RALYL: variants seen among roughly 807,000 people sequenced by gnomAD.
The protein encoded by RALYL is RALY RNA binding protein like, also known as RNA-binding Raly-like protein.
A neutral mutation model predicts 35.1 loss-of-function variants in RALYL; 29 were observed. The observed-to-expected ratio is 0.83, with a 90% CI of 0.61 to 1.13. The LOEUF (loss-of-function observed/expected upper bound fraction) is 1.13, where lower values mean the gene tolerates loss of function less well. Among genes scored for constraint, RALYL ranks in the 50% most tolerant of loss-of-function variants. The probability of loss-of-function intolerance (pLI) is 0.00; values close to 1 mark genes in which losing one functional copy is unlikely to be tolerated. For synonymous variants in RALYL, 120 were observed against 127.6 expected, an observed-to-expected ratio of 0.94 and a Z score of 0.40; for missense variants, 359 against 360.4, an observed-to-expected ratio of 1.00 and a Z score of 0.03.
chr8:84,428,106 T>TCTCACACACACA (rs1182382963), intron 1 of RALYL, among the ~76,000 whole-genome samples: 1 of 127,276 alleles, frequency 7.9e-6, no homozygotes, highest in African/African-American at 3.1e-5. Flanking sequence ...TCTCTCTCTC[T>TCTCACACACACA]CACACACACA....
chr8:84,263,809 C>T (rs938438921), intron 1 of RALYL, among the ~76,000 whole-genome samples: 26 of 152,238 alleles, frequency 1.7e-4, no homozygotes, highest in African/African-American at 6.3e-4. Flanking sequence ...GTTCCTCTCC[C>T]TGTGTCCATG....
At chr8:84,636,578 A>G (rs928634101) in intron 2 of RALYL, among the ~76,000 whole-genome samples, 3 of 151,808 alleles carry the variant, frequency 2.0e-5, no homozygotes, top group Non-Finnish European at 4.4e-5. Context: ...GACAGCCTAT[A>G]ATATACTACC....
intron 2 of RALYL, among the ~76,000 whole-genome samples, chr8:84,622,856 C>G (rs531758546): frequency 1.3e-5 from 2 of 152,140 alleles, no homozygotes; most frequent in South Asian, 4.2e-4. Context: ...GAGTACACAC[C>G]AAGTCGTTGT....
intron 2 of RALYL, among the ~76,000 whole-genome samples, chr8:84,579,099 G>A (rs1810215255): frequency 6.6e-6 from 1 of 152,168 alleles, no homozygotes; most frequent in Non-Finnish European, 1.5e-5. Flanking sequence ...AAGGGTGCCT[G>A]CAGGCCCATG....
At chr8:84,195,948 A>G (rs868413201) in intron 1 of RALYL, among the ~76,000 whole-genome samples, 9 of 152,232 alleles carry the variant, frequency 5.9e-5, no homozygotes, top group African/African-American at 1.4e-4. Flanking sequence ...TATGAAGTCT[A>G]TTGTTCAGGA....
intron 1 of RALYL, among the ~76,000 whole-genome samples, chr8:84,518,064 AT>A (rs1445538238): frequency 6.6e-6 from 1 of 152,190 alleles, no homozygotes; most frequent in Non-Finnish European, 1.5e-5. Flanking sequence ...AAAATCTTCT[AT>A]GTTATACTAT....
intron 2 of RALYL, among the ~76,000 whole-genome samples, chr8:84,591,926 T>C (rs932424841): frequency 1.3e-5 from 2 of 152,200 alleles, no homozygotes; most frequent in African/African-American, 2.4e-5. Context: ...TGGCTTTTAT[T>C]TCTTGATAGG....
chr8:84,336,037 C>T (rs1047536638), intron 1 of RALYL, among the ~76,000 whole-genome samples: 14 of 152,176 alleles, frequency 9.2e-5, no homozygotes, highest in South Asian at 2.1e-4. Flanking sequence ...ATATGGCATA[C>T]GTGGATATTC....
intron 1 of RALYL, among the ~76,000 whole-genome samples, chr8:84,526,717 A>G (rs2058927828): frequency 6.6e-6 from 1 of 152,140 alleles, no homozygotes; most frequent in African/African-American, 2.4e-5. Context: ...TCTGATCTGT[A>G]TCTCCTCAAC....
chr8:84,335,693 A>C (rs1847649961), intron 1 of RALYL, among the ~76,000 whole-genome samples: 1 of 120,348 alleles, frequency 8.3e-6, no homozygotes, highest in Middle Eastern at 5.3e-3. Flanking sequence ...TATTTCTAAT[A>C]TATGTGTTTT....
At chr8:84,226,498 C>G (rs894044163) in intron 1 of RALYL, among the ~76,000 whole-genome samples, 4 of 152,158 alleles carry the variant, frequency 2.6e-5, no homozygotes, top group African/African-American at 7.2e-5. Context: ...CTTCCGCCTC[C>G]TGGATTCGAG....
chr8:84,319,854 T>C (rs1214085558), intron 1 of RALYL, among the ~76,000 whole-genome samples: 1 of 127,424 alleles, frequency 7.8e-6, no homozygotes, highest in Non-Finnish European at 1.8e-5. Flanking sequence ...ACTGTAGTCA[T>C]AATTTTTTTT....
intron 2 of RALYL, among the ~76,000 whole-genome samples, chr8:84,716,281 C>A (rs1355778463): frequency 6.6e-6 from 1 of 151,994 alleles, no homozygotes; most frequent in Non-Finnish European, 1.5e-5. Flanking sequence ...TTTCAACTCA[C>A]GTTTGTTTTA....
intron 1 of RALYL, among the ~76,000 whole-genome samples, chr8:84,525,825 A>T (rs1451791387): frequency 1.3e-5 from 2 of 152,010 alleles, no homozygotes; most frequent in Non-Finnish European, 2.9e-5. Context: ...TCATTTTTTA[A>T]CATCTTTAAT....
intron 1 of RALYL, among the ~76,000 whole-genome samples, chr8:84,489,490 T>G (rs1000153978): frequency 6.6e-6 from 1 of 152,106 alleles, no homozygotes; most frequent in Non-Finnish European, 1.5e-5. Flanking sequence ...ATTGAAAACT[T>G]ACTGTTGCAA....
chr8:84,273,016 C>G (rs901221018), intron 1 of RALYL, among the ~76,000 whole-genome samples: 2 of 152,170 alleles, frequency 1.3e-5, no homozygotes, highest in African/African-American at 4.8e-5. Context: ...AATTATTCAG[C>G]CTACTTAGAT....
intron 8 of RALYL, among the ~76,000 whole-genome samples, chr8:84,909,807 C>T (rs1341163303): frequency 6.6e-6 from 1 of 151,962 alleles, no homozygotes; most frequent in Non-Finnish European, 1.5e-5. Context: ...ATAGTAAGCC[C>T]TCAGTGCATG....
chr8:84,467,437 A>G (rs1355417054), intron 1 of RALYL, among the ~76,000 whole-genome samples: 4 of 138,776 alleles, frequency 2.9e-5, no homozygotes, highest in Non-Finnish European at 6.5e-5. Flanking sequence ...TTCAGTTTCC[A>G]TGTAGTTGAG....
At chr8:84,401,637 CAAAAAAAAAAAAAAA>C (rs71271985) in intron 1 of RALYL, among the ~76,000 whole-genome samples, 3 of 17,406 alleles carry the variant, frequency 1.7e-4, no homozygotes, top group Admixed American at 9.7e-4. Context: ...GACTCTGTCT[CAAAAAAAAAAAAAAA>C]AAAAAAAAAA....
Sources: allele counts gnomAD v4.1 joint callset (sites outside exome capture counted in the v4.1 genomes callset), GRCh38; gene constraint gnomAD v4.1.1; transcripts MANE v1.5; gene names NCBI Gene and HGNC (gene_info 2026-07-23, HGNC 2026-07-21).